The following SLC6A2 variants were observed in gnomAD, a reference collection of about 807,000 sequenced individuals.
SLC6A2 encodes sodium-dependent noradrenaline transporter.
Under a neutral mutation model 71.7 loss-of-function variants are expected in SLC6A2, and 26 were observed. The ratio of observed to expected loss-of-function variants is 0.36; its 90% confidence interval spans 0.27 to 0.50. SLC6A2 has a LOEUF of 0.50. Ranked by LOEUF, SLC6A2 falls within the 20% of genes least tolerant of loss-of-function variation. The probability of loss-of-function intolerance (pLI) is 0.96; values close to 1 mark genes in which losing one functional copy is unlikely to be tolerated. For synonymous variants in SLC6A2, 363 were observed against 337.9 expected, an observed-to-expected ratio of 1.07 and a Z score of -0.82; for missense variants, 581 against 803.9, an observed-to-expected ratio of 0.72 and a Z score of 3.35.
At chr16:55,667,095 C>T (rs1482943066) in intron 2 of SLC6A2, among the ~76,000 whole-genome samples, 1 of 152,092 alleles carries the variant, frequency 6.6e-6, no homozygotes, top group Non-Finnish European at 1.5e-5. Flanking sequence ...GAGCCTCAAA[C>T]TCTGATGCCC....
intron 2 of SLC6A2, among the ~76,000 whole-genome samples, chr16:55,667,947 C>T (rs1364664651): frequency 6.6e-6 from 1 of 152,224 alleles, no homozygotes; most frequent in African/African-American, 2.4e-5. Flanking sequence ...TTCTCCAACC[C>T]TCAGTTTCCT....
chr16:55,696,412 GCCT>G, intron 9 of SLC6A2, 75 bp downstream of exon 9: 5 of 882,702 alleles, frequency 5.7e-6, no homozygotes, highest in Non-Finnish European at 9.7e-6. Flanking sequence ...ACAGTGCTGG[GCCT>G]GAAGTTCCCA....
Position 55,687,141 on chromosome 16 carries a change from TA to T in SLC6A2, c.783+1865del, listed in dbSNP as rs1965476665. On this transcript the variant is annotated intron_variant, in intron 5 of 14. Transcript: ENST00000568943. ...AACATATGTGTGTGTCCCCATTTAATAAAAACCTGTGGTCACAAACTATGTG... is the reference window on the plus strand; with the variant it reads ...AACATATGTGTGTGTCCCCATTTAATAAAACCTGTGGTCACAAACTATGTG... Among the ~76,000 whole-genome samples, 3 of 232 alleles carry T rather than the reference TA, an allele frequency of 0.013. No individual in the cohort carries two copies. In the Non-Finnish European group the frequency reaches 0.15, roughly 12 times the overall value. The allele number at this position is 232 out of a possible 152,430, so 0.2% of individuals were successfully genotyped here.
intron 2 of SLC6A2, among the ~76,000 whole-genome samples, chr16:55,667,294 G>A (rs897894465): frequency 1.3e-5 from 2 of 152,196 alleles, no homozygotes; most frequent in Non-Finnish European, 2.9e-5. Flanking sequence ...GTGGGGCTGC[G>A]CCAGATCCAG....
At chr16:55,689,928 G>A (rs1352853200) in intron 5 of SLC6A2, among the ~76,000 whole-genome samples, 1 of 152,188 alleles carries the variant, frequency 6.6e-6, no homozygotes. Flanking sequence ...CCCAGAAGAT[G>A]TGACTACCAC....
At chr16:55,657,079 A>C in intron 2 of SLC6A2, 111 bp downstream of exon 2, 1 of 1,214,188 alleles carries the variant, frequency 8.2e-7, no homozygotes, top group Non-Finnish European at 1.2e-6. Flanking sequence ...GACAGGGGCA[A>C]ATCTGGGGCG....
At chr16:55,672,873 T>A (rs979754812) in intron 4 of SLC6A2, among the ~76,000 whole-genome samples, 1 of 152,236 alleles carries the variant, frequency 6.6e-6, no homozygotes, top group Admixed American at 6.5e-5. Context: ...AAGAAACTTT[T>A]ATGTTGAAAT....
Position 55,696,266 on chromosome 16 carries a change from A to G in SLC6A2, c.1189A>G (p.Thr397Ala). Reference protein sequence around the residue: ...VFILYPEAISTLSGSTFWAVV... With the variant: ...VFILYPEAISALSGSTFWAVV... ...CATCCTGTATCCAGAGGCCATTTCTACCCTGTCTGGATCTACATTCTGGGC... is the reference window on the plus strand; with the variant it reads ...CATCCTGTATCCAGAGGCCATTTCTGCCCTGTCTGGATCTACATTCTGGGC... Residue 397 changes from threonine (T) to alanine (A), a missense_variant, in exon 9 of 15, where the codon ACC (threonine) becomes GCC (alanine). By Grantham distance (58) the Thr-to-Ala change is moderately conservative. Around this residue, in one of 5 missense-constraint regions of SLC6A2, gnomAD observed 334 missense variants for 449.0 expected, o/e 0.74. Coordinates refer to ENST00000568943, the MANE Select transcript of SLC6A2 (RefSeq NM_001172501.3). 6.2e-7 allele frequency: 1 copy of G among 1,613,734 alleles called. No homozygotes were observed. The highest frequency in any genetic ancestry group is 1.1e-5 in the South Asian group (1 of 91,058).
At chr16:55,671,745 C>T in intron 3 of SLC6A2, 193 bp from the exon 4 acceptor site, 1 of 1,236,508 alleles carries the variant, frequency 8.1e-7, no homozygotes, top group South Asian at 1.6e-5. Flanking sequence ...TTGAAACTAC[C>T]CCCACCCCAA....
chr16:55,669,108 ATT>A (rs1964832284), intron 2 of SLC6A2, among the ~76,000 whole-genome samples: 1 of 152,144 alleles, frequency 6.6e-6, no homozygotes, highest in Non-Finnish European at 1.5e-5. Context: ...CGTCATGTAA[ATT>A]TAGGCACTGT....
At chr16:55,699,091 A>G (rs186085672) in intron 11 of SLC6A2, among the ~76,000 whole-genome samples, 1 of 152,174 alleles carries the variant, frequency 6.6e-6, no homozygotes, top group Non-Finnish European at 1.5e-5. Context: ...GTTTTTCCCC[A>G]CCAAGTGTCA....
chr16:55,698,632 G>T, intron 11 of SLC6A2, 64 bp downstream of exon 11: 1 of 1,141,282 alleles, frequency 8.8e-7, no homozygotes. Context: ...CTGGAGGTGT[G>T]CAGGGAGGCC....
At chr16:55,694,144 C>G (rs748144044) in intron 7 of SLC6A2, 31 bp downstream of exon 7, 6 of 1,418,074 alleles carry the variant, frequency 4.2e-6, no homozygotes, top group Non-Finnish European at 6.0e-6. Context: ...CTGAGAAGCT[C>G]TAAATCCTGG....
chr16:55,669,724 G>A, intron 3 of SLC6A2, 28 bp downstream of exon 3: 15 of 1,613,856 alleles, frequency 9.3e-6, no homozygotes, highest in Non-Finnish European at 1.2e-5. Flanking sequence ...GAAAGTCACG[G>A]TTGTTCATAA....
At chr16:55,669,797 C>A in intron 3 of SLC6A2, 101 bp downstream of exon 3, 1 of 1,310,440 alleles carries the variant, frequency 7.6e-7, no homozygotes, top group Non-Finnish European at 1.1e-6. Context: ...GACCTCCTGT[C>A]ATGTGGGATT....
At chr16:55,698,605 C>A in intron 11 of SLC6A2, 37 bp downstream of exon 11, 1 of 1,422,584 alleles carries the variant, frequency 7.0e-7, no homozygotes, top group Non-Finnish European at 9.9e-7. Flanking sequence ...GCTCCCAGTC[C>A]TCCTAGAATC....
chr16:55,667,164 TGG>T (rs1429662069), intron 2 of SLC6A2, among the ~76,000 whole-genome samples: 18 of 152,154 alleles, frequency 1.2e-4, no homozygotes, highest in African/African-American at 4.1e-4. Context: ...CCCTAAATGC[TGG>T]GACTACAGGC....
At position 55,687,942 on chromosome 16, in the gene SLC6A2, A is replaced by G. The variant is rs537675894; in HGVS notation, c.783+2661A>G. On this transcript the variant is annotated intron_variant, in intron 5 of 14. Coordinates refer to ENST00000568943, the MANE Select transcript of SLC6A2 (RefSeq NM_001172501.3). ...GCGAACCAGAGTGTTACACTAGGAAAGCCCCCATGTAGAAACACAATGAGA... is the reference window on the plus strand; with the variant it reads ...GCGAACCAGAGTGTTACACTAGGAAGGCCCCCATGTAGAAACACAATGAGA... 5.3e-5 allele frequency among the ~76,000 whole-genome samples: 8 copies of G among 152,328 alleles called. No homozygotes were observed. In the South Asian group the frequency reaches 1.7e-3, roughly 32 times the overall value.
chr16:55,659,047 C>T (rs1200989097), intron 2 of SLC6A2, among the ~76,000 whole-genome samples: 1 of 152,090 alleles, frequency 6.6e-6, no homozygotes, highest in Non-Finnish European at 1.5e-5. Flanking sequence ...CAGTGACCGC[C>T]CCAGACTGCT....
Sources: allele counts gnomAD v4.1 joint callset (sites outside exome capture counted in the v4.1 genomes callset), GRCh38; gene constraint gnomAD v4.1.1; regional missense constraint gnomAD v4.1.1; transcripts MANE v1.5; gene names NCBI Gene and HGNC (gene_info 2026-07-23, HGNC 2026-07-21).